The following VWC2L variants were observed in gnomAD, a reference collection of about 807,000 sequenced individuals.
VWC2L encodes von Willebrand factor C domain containing 2 like, also known as von Willebrand factor C domain-containing protein 2-like.
A neutral mutation model predicts 21.6 loss-of-function variants in VWC2L; 10 were observed. The ratio of observed to expected loss-of-function variants is 0.46; its 90% confidence interval spans 0.29 to 0.78. VWC2L has a LOEUF of 0.78. Among genes scored for constraint, VWC2L ranks in the 30% least tolerant of loss-of-function variants. The pLI is 0.10. For synonymous variants in VWC2L, 96 were observed against 94.3 expected, an observed-to-expected ratio of 1.02 and a Z score of -0.10; for missense variants, 209 against 277.1, an observed-to-expected ratio of 0.75 and a Z score of 1.74.
At chr2:214,469,660 G>T (rs935882993) in intron 3 of VWC2L, among the ~76,000 whole-genome samples, 1 of 152,122 alleles carries the variant, frequency 6.6e-6, no homozygotes. Flanking sequence ...CAGCATTAAA[G>T]ATCTCTGTAT....
At chr2:214,502,129 C>A (rs1192406801) in intron 3 of VWC2L, among the ~76,000 whole-genome samples, 7 of 152,184 alleles carry the variant, frequency 4.6e-5, no homozygotes, top group Non-Finnish European at 7.3e-5. Context: ...TTTCCTTCTT[C>A]AATATTTTTC....
chr2:214,557,625 C>T (rs1320366649), intron 3 of VWC2L, among the ~76,000 whole-genome samples: 2 of 152,166 alleles, frequency 1.3e-5, no homozygotes, highest in Non-Finnish European at 2.9e-5. Flanking sequence ...TTTTATTCTC[C>T]CCAGTGACTG....
At chr2:214,562,924 G>T (rs1472854517) in intron 3 of VWC2L, among the ~76,000 whole-genome samples, 1 of 152,152 alleles carries the variant, frequency 6.6e-6, no homozygotes, top group African/African-American at 2.4e-5. Context: ...TGTTTGCTCT[G>T]ATGATAGTTT....
intron 3 of VWC2L, among the ~76,000 whole-genome samples, chr2:214,559,019 C>T (rs1169492887): frequency 4.3e-5 from 6 of 139,038 alleles, no homozygotes; most frequent in African/African-American, 8.9e-5. Context: ...TATCCCTCCC[C>T]CCTCCCCCCA....
At chr2:214,478,245 G>A (rs1018558407) in intron 3 of VWC2L, among the ~76,000 whole-genome samples, 9 of 152,074 alleles carry the variant, frequency 5.9e-5, no homozygotes, top group East Asian at 5.8e-4. Context: ...TTGGGAGGCC[G>A]AGGCAGGCGG....
At position 214,544,205 on chromosome 2, in the gene VWC2L, C is replaced by T. The variant is rs1019839390; in HGVS notation, c.521-31467C>T. ...GGGAGTGACTCCAGGAATGGATTGCCGTGCCATATTCCTAGCATTCTGAAT... is the reference window on the plus strand; with the variant it reads ...GGGAGTGACTCCAGGAATGGATTGCTGTGCCATATTCCTAGCATTCTGAAT... On this transcript the variant is annotated intron_variant, in intron 3 of 3. Transcript: ENST00000312504. Among the ~76,000 whole-genome samples the T allele has an allele frequency of 5.9e-5, 9 of 152,078 alleles. No individual in the cohort carries two copies. The East Asian group carries it at 9.6e-4, about 16-fold the overall frequency.
chr2:214,450,626 C>A (rs886505522), intron 3 of VWC2L, among the ~76,000 whole-genome samples: 5 of 152,110 alleles, frequency 3.3e-5, no homozygotes, highest in Admixed American at 6.5e-5. Context: ...GAAGAGCAAA[C>A]CCTGGATGAC....
At chr2:214,517,246 T>C (rs1689158060) in intron 3 of VWC2L, among the ~76,000 whole-genome samples, 1 of 152,240 alleles carries the variant, frequency 6.6e-6, no homozygotes, top group Non-Finnish European at 1.5e-5. Flanking sequence ...TCTCAAGGTT[T>C]CCTTCCTATG....
At chr2:214,568,603 C>T (rs1203373809) in intron 3 of VWC2L, among the ~76,000 whole-genome samples, 1 of 152,084 alleles carries the variant, frequency 6.6e-6, no homozygotes, top group Non-Finnish European at 1.5e-5. Context: ...AGGGGAACTC[C>T]CTTTTTTAAA....
chr2:214,526,370 G>A (rs1260634972), intron 3 of VWC2L, among the ~76,000 whole-genome samples: 1 of 151,970 alleles, frequency 6.6e-6, no homozygotes, highest in Non-Finnish European at 1.5e-5. Flanking sequence ...AAGTGAAAAT[G>A]GATTAATCCT....
At chr2:214,529,914 T>C (rs1053617810) in intron 3 of VWC2L, among the ~76,000 whole-genome samples, 1 of 152,170 alleles carries the variant, frequency 6.6e-6, no homozygotes, top group Non-Finnish European at 1.5e-5. Context: ...GAACTGGCAG[T>C]TCCAGAAGCC....
At chr2:214,490,374 T>C (rs1157359406) in intron 3 of VWC2L, among the ~76,000 whole-genome samples, 1 of 152,090 alleles carries the variant, frequency 6.6e-6, no homozygotes, top group Non-Finnish European at 1.5e-5. Context: ...GGTTTCTGAC[T>C]GATTCAGTGT....
At chr2:214,436,859 T>G (rs1702686238) in intron 3 of VWC2L, 101 bp downstream of exon 3, 1 of 1,415,692 alleles carries the variant, frequency 7.1e-7, no homozygotes, top group Admixed American at 2.0e-5. Context: ...AAGATCTGCC[T>G]GTGGCTTTTC....
chr2:214,449,337 G>C (rs1317871263), intron 3 of VWC2L, among the ~76,000 whole-genome samples: 7 of 152,098 alleles, frequency 4.6e-5, no homozygotes. Context: ...AGGTTACAAA[G>C]CCATGAGCAT....
intron 3 of VWC2L, among the ~76,000 whole-genome samples, chr2:214,514,392 G>C (rs1302268482): frequency 6.6e-6 from 1 of 151,012 alleles, no homozygotes; most frequent in Non-Finnish European, 1.5e-5. Flanking sequence ...TATAATATCA[G>C]GGCAAATTTT....
chr2:214,463,282 T>A (rs962092444), intron 3 of VWC2L, among the ~76,000 whole-genome samples: 1 of 152,056 alleles, frequency 6.6e-6, no homozygotes, highest in Non-Finnish European at 1.5e-5. Flanking sequence ...TACTTTGAAG[T>A]TTTTTTATGA....
intron 3 of VWC2L, among the ~76,000 whole-genome samples, chr2:214,448,638 A>C (rs1702908424): frequency 6.6e-6 from 1 of 152,172 alleles, no homozygotes; most frequent in South Asian, 2.1e-4. Context: ...TTTATTAAGA[A>C]CAGACTTCAT....
intron 3 of VWC2L, among the ~76,000 whole-genome samples, chr2:214,564,784 T>C (rs1690036662): frequency 6.6e-6 from 1 of 152,216 alleles, no homozygotes; most frequent in South Asian, 2.1e-4. Flanking sequence ...TTTATTTTTA[T>C]GCCCCAAACC....
At chr2:214,412,875 T>G (rs1462841658) in intron 1 of VWC2L, among the ~76,000 whole-genome samples, 3 of 152,076 alleles carry the variant, frequency 2.0e-5, no homozygotes, top group Admixed American at 6.5e-5. Context: ...CTGTATACCA[T>G]CTTAGTGTTA....
Sources: allele counts gnomAD v4.1 joint callset (sites outside exome capture counted in the v4.1 genomes callset), GRCh38; gene constraint gnomAD v4.1.1; transcripts MANE v1.5; gene names NCBI Gene and HGNC (gene_info 2026-07-23, HGNC 2026-07-21).